Variants in NRG1 observed in about 807,000 individuals in gnomAD.
The protein encoded by NRG1 is neuregulin 1.
NRG1 carries 18 observed loss-of-function variants against 63.8 expected under a neutral mutation model. That is an observed-to-expected ratio of 0.28 (90% CI 0.19 to 0.42). The LOEUF is 0.42. NRG1 is among the 10% of genes least tolerant of loss of function. The pLI, the probability that NRG1 is intolerant of heterozygous loss-of-function variation, is 1.00. For missense variants in NRG1, 762 were observed against 814.7 expected (o/e 0.94, Z 0.79); for synonymous variants, 302 against 301.3 (o/e 1.00, Z -0.02).
intron 1 of NRG1, among the ~76,000 whole-genome samples, chr8:32,508,946 G>A (rs759063362): frequency 1.3e-5 from 2 of 151,678 alleles, no homozygotes; most frequent in East Asian, 2.0e-4. Flanking sequence ...TGTTGGCAAC[G>A]CTAGTCTCGA....
intron 1 of NRG1, among the ~76,000 whole-genome samples, chr8:32,423,593 C>T (rs1816965441): frequency 6.6e-6 from 1 of 151,964 alleles, no homozygotes; most frequent in African/African-American, 2.4e-5. Context: ...CTGCAGTGAG[C>T]CATGTTCATG....
intron 1 of NRG1, among the ~76,000 whole-genome samples, chr8:31,971,306 T>C (rs1013082746): frequency 2.0e-5 from 3 of 152,190 alleles, no homozygotes; most frequent in Non-Finnish European, 4.4e-5. Context: ...GTTTTCTTTT[T>C]AGTCAATTTT....
At chr8:32,358,579 A>G (rs1806788006) in intron 1 of NRG1, among the ~76,000 whole-genome samples, 1 of 152,152 alleles carries the variant, frequency 6.6e-6, no homozygotes, top group South Asian at 2.1e-4. Context: ...GATCAGCATG[A>G]CAGAAGTACA....
At chr8:31,795,615 C>A (rs1447954972) in intron 1 of NRG1, among the ~76,000 whole-genome samples, 1 of 152,184 alleles carries the variant, frequency 6.6e-6, no homozygotes, top group Non-Finnish European at 1.5e-5. Context: ...TAGACAAATT[C>A]TCTAACCTGT....
intron 1 of NRG1, among the ~76,000 whole-genome samples, chr8:32,327,394 G>T (rs1802140040): frequency 6.6e-6 from 1 of 152,190 alleles, no homozygotes; most frequent in Non-Finnish European, 1.5e-5. Flanking sequence ...TTAGCATCTT[G>T]AGTCTTGGAG....
At chr8:32,336,368 G>C (rs1191055812) in intron 1 of NRG1, among the ~76,000 whole-genome samples, 1 of 152,148 alleles carries the variant, frequency 6.6e-6, no homozygotes, top group Non-Finnish European at 1.5e-5. Context: ...ACCAGGTGTG[G>C]TCAGGGGATT....
chr8:31,750,907 A>T (rs1816394542), intron 1 of NRG1, among the ~76,000 whole-genome samples: 1 of 151,984 alleles, frequency 6.6e-6, no homozygotes, highest in Admixed American at 6.6e-5. Context: ...GCAATTTGAA[A>T]ATATGAATCT....
At chr8:32,229,091 G>A (rs544889672) in intron 1 of NRG1, among the ~76,000 whole-genome samples, 1 of 152,214 alleles carries the variant, frequency 6.6e-6, no homozygotes, top group South Asian at 2.1e-4. Context: ...AATGGGAAAC[G>A]TCGCAGTACA....
intron 1 of NRG1, among the ~76,000 whole-genome samples, chr8:32,019,483 G>C (rs905960519): frequency 5.3e-5 from 8 of 152,150 alleles, no homozygotes; most frequent in Non-Finnish European, 1.0e-4. Context: ...CCACTCTATG[G>C]CTTGCCTATT....
intron 1 of NRG1, among the ~76,000 whole-genome samples, chr8:31,687,366 T>G (rs1204400648): frequency 6.6e-6 from 1 of 152,204 alleles, no homozygotes; most frequent in African/African-American, 2.4e-5. Flanking sequence ...AGCTGAGACA[T>G]TCAGTAGCCT....
chr8:31,938,659 C>T (rs868823993), intron 1 of NRG1, among the ~76,000 whole-genome samples: 1 of 151,980 alleles, frequency 6.6e-6, no homozygotes, highest in African/African-American at 2.4e-5. Flanking sequence ...AAGTTGAAAA[C>T]GTGATACAGG....
chr8:32,341,911 A>T (rs1207595464), intron 1 of NRG1, among the ~76,000 whole-genome samples: 1 of 152,174 alleles, frequency 6.6e-6, no homozygotes, highest in Admixed American at 6.5e-5. Context: ...TTGTAATAGT[A>T]AGGACCTATT....
intron 1 of NRG1, among the ~76,000 whole-genome samples, chr8:32,095,215 C>T (rs1829743388): frequency 6.6e-6 from 1 of 152,122 alleles, no homozygotes; most frequent in South Asian, 2.1e-4. Context: ...GTGCCATTTT[C>T]AGCATTTTTT....
chr8:32,762,008 C>T (rs1830778701), intron 11 of NRG1, among the ~76,000 whole-genome samples: 2 of 122,872 alleles, frequency 1.6e-5, no homozygotes, highest in African/African-American at 6.2e-5. Flanking sequence ...CACTGTACTC[C>T]AGCCTAGGCA....
chr8:32,118,176 C>A (rs1832977922), intron 1 of NRG1, among the ~76,000 whole-genome samples: 1 of 152,044 alleles, frequency 6.6e-6, no homozygotes, highest in Non-Finnish European at 1.5e-5. Context: ...TGATCCCTAG[C>A]ATTGGAGGTG....
In NRG1 at chr8:31,868,146, TTACACACACACACA is replaced by T. The variant is rs1324183334; in HGVS notation, c.37+228716_37+228729del. On this transcript the variant is annotated intron_variant, in intron 1 of 10. Transcript: ENST00000519301. ...AAACACACACACACACACATACATC[TTACACACACACACA>T]CACACACACACACACACACACACAC... Among the ~76,000 whole-genome samples the T allele has an allele frequency of 1.5e-3, 179 of 115,874 alleles. 2 individuals are homozygous for T. Among genetic ancestry groups the T allele is most frequent in the South Asian group, 6.7e-3 (24 of 3,582 alleles). The allele number at this position is 115,874 out of a possible 152,430, so 76.0% of individuals were successfully genotyped here.
intron 1 of NRG1, among the ~76,000 whole-genome samples, chr8:32,276,594 TC>T (rs1005083234): frequency 3.3e-4 from 50 of 152,204 alleles, no homozygotes; most frequent in African/African-American, 1.2e-3. Flanking sequence ...CAGCCTCCAC[TC>T]CCAGGGCACA....
chr8:32,130,146 T>A (rs974904156), intron 1 of NRG1, among the ~76,000 whole-genome samples: 1 of 151,980 alleles, frequency 6.6e-6, no homozygotes, highest in African/African-American at 2.4e-5. Context: ...CCTTTCGTTA[T>A]CACTCTCCTT....
intron 1 of NRG1, among the ~76,000 whole-genome samples, chr8:32,290,996 T>C (rs1854130903): frequency 6.6e-6 from 1 of 152,060 alleles, no homozygotes; most frequent in Non-Finnish European, 1.5e-5. Flanking sequence ...GGAGAACCAA[T>C]GGTGTAGTTC....
Sources: allele counts gnomAD v4.1 joint callset (sites outside exome capture counted in the v4.1 genomes callset), GRCh38; gene constraint gnomAD v4.1.1; transcripts MANE v1.5; gene names NCBI Gene and HGNC (gene_info 2026-07-23, HGNC 2026-07-21).